SMARCA4: variants seen among roughly 807,000 people sequenced by gnomAD.
SMARCA4 encodes the protein SWI/SNF related BAF chromatin remodeling complex subunit ATPase 4, also known as SWI/SNF-related matrix-associated actin-dependent regulator of chromatin subfamily A member 4.
A neutral mutation model predicts 193.9 loss-of-function variants in SMARCA4; 31 were observed. That is an observed-to-expected ratio of 0.16 (90% CI 0.12 to 0.22). SMARCA4 has a LOEUF of 0.22. Among genes scored for constraint, SMARCA4 ranks in the 10% least tolerant of loss-of-function variants. SMARCA4 has a pLI of 1.00. For synonymous variants in SMARCA4, 942 were observed against 933.1 expected (o/e 1.01, Z -0.17); for missense variants, 1,148 against 2,296.0 (o/e 0.50, Z 10.22).
At chr19:11,050,015 T>C (rs1448686697) in intron 30 of SMARCA4, among the ~76,000 whole-genome samples, 1 of 152,098 alleles carries the variant, frequency 6.6e-6, no homozygotes, top group East Asian at 1.9e-4. Flanking sequence ...GGCAGGAGAA[T>C]CGCTTGAACC....
rs2074899395 is a variant in SMARCA4 at position 11,031,115 on chromosome 19, A to G, written c.3546+222A>G. ...AACAGCCTTTCCCTCTGATTGGGAA[A>G]GCAGTGTATAAGCCATCCGTCGGTT... On this transcript the variant is annotated intron_variant, in intron 25 of 34. Coordinates refer to ENST00000344626, the MANE Select transcript of SMARCA4 (RefSeq NM_003072.5). This position sits in a 1 kb window ranked among gnomAD's most constrained non-coding sequence, Gnocchi z 4.3. 2 of 595,932 alleles carry G rather than the reference A, an allele frequency of 3.4e-6. No homozygotes were observed. Among genetic ancestry groups the G allele is most frequent in the African/African-American group, 1.9e-5 (1 of 54,004 alleles). 36.9% of individuals were successfully genotyped at this position (595,932 alleles called of 1,614,324 possible). A position where few individuals can be genotyped will look rare whatever the true frequency, so the allele number is the denominator to read the frequency against.
At chr19:11,023,971 G>T (rs1018873504) in intron 20 of SMARCA4, among the ~76,000 whole-genome samples, 1 of 152,214 alleles carries the variant, frequency 6.6e-6, no homozygotes, top group Non-Finnish European at 1.5e-5. Context: ...GGTTTTCAAG[G>T]CCTGCTGCAG....
At chr19:11,059,942 G>A (rs2076763679) in intron 33 of SMARCA4, 57 bp downstream of exon 33, 1 of 1,613,434 alleles carries the variant, frequency 6.2e-7, no homozygotes, top group Non-Finnish European at 8.5e-7. Flanking sequence ...GAGCCCCCAA[G>A]GCCCCAGCTT....
intron 1 of SMARCA4, among the ~76,000 whole-genome samples, chr19:10,971,755 A>C (rs1445743139): frequency 2.0e-5 from 3 of 148,366 alleles, no homozygotes; most frequent in Non-Finnish European, 3.0e-5. Flanking sequence ...GGCGTGAGCC[A>C]CCATGCCCAC....
At chr19:10,963,818 T>A (rs1210355952) in intron 1 of SMARCA4, among the ~76,000 whole-genome samples, 1 of 148,186 alleles carries the variant, frequency 6.7e-6, no homozygotes, top group East Asian at 2.0e-4. Context: ...CGGGCTGGAG[T>A]GCAATGCCCC....
At chr19:10,995,540 G>A (rs1170519707) in intron 9 of SMARCA4, 2 of 455,696 alleles carry the variant, frequency 4.4e-6, no homozygotes, top group East Asian at 6.9e-5. Context: ...GGAGGGACAG[G>A]GTAGTAAGTA....
intron 29 of SMARCA4, among the ~76,000 whole-genome samples, chr19:11,036,051 C>G (rs568328860): frequency 6.6e-6 from 1 of 152,368 alleles, no homozygotes; most frequent in Admixed American, 6.5e-5. Context: ...CGGTTCCCTC[C>G]TGGGACCTCA....
chr19:11,008,227 C>T (rs2088432763), intron 14 of SMARCA4: 3 of 545,488 alleles, frequency 5.5e-6, no homozygotes, highest in Middle Eastern at 5.2e-4. Context: ...TCGCATGGTT[C>T]ACCATATGCT....
Position 10,986,650 on chromosome 19 carries a change from T to C in SMARCA4, c.760+57T>C, listed in dbSNP as rs2086071003. The stretch of plus-strand genomic sequence containing the variant: ...TCAGAGCGAATGGCTGGGGCGTGGG[T>C]GGCGGGGTGGACAGACCGTGCTCTG... On this transcript the variant is annotated intron_variant, in intron 4 of 34. Coordinates refer to ENST00000344626, the MANE Select transcript of SMARCA4 (RefSeq NM_003072.5). The surrounding 1 kb of genome is among the most constrained non-coding windows in gnomAD (Gnocchi z 6.7). 9.8e-6 allele frequency: 15 copies of C among 1,533,760 alleles called. No individual in the cohort carries two copies. In the South Asian group the frequency reaches 1.8e-4, roughly 18 times the overall value.
rs1449367448 is a variant in SMARCA4 at position 11,038,316 on chromosome 19, T to A, written c.4171-2991T>A. Among the ~76,000 whole-genome samples the A allele has an allele frequency of 3.3e-5, 5 of 152,176 alleles. No homozygotes were observed. The East Asian group carries it at 7.7e-4, about 23-fold the overall frequency. On this transcript the variant is annotated intron_variant, in intron 29 of 34. Coordinates refer to ENST00000344626, the MANE Select transcript of SMARCA4 (RefSeq NM_003072.5). ...TTCTGTGTCTTTTAAGAACAATTTT[T>A]AAAACTTAATCCCAAAAGTAAAGAC...
At chr19:11,000,695 A>G (rs1445331066) in intron 11 of SMARCA4, among the ~76,000 whole-genome samples, 1 of 151,978 alleles carries the variant, frequency 6.6e-6, no homozygotes, top group East Asian at 1.9e-4. Context: ...TCTGGCCAGT[A>G]TGGTGAAACC....
intron 29 of SMARCA4, 85 bp downstream of exon 29, chr19:11,035,217 G>A (rs2075197742): frequency 1.5e-6 from 2 of 1,301,518 alleles, no homozygotes; most frequent in Admixed American, 3.9e-5. Flanking sequence ...CAGGACTCAG[G>A]CCTGGGTCCA....
intron 15 of SMARCA4, 73 bp downstream of exon 15, chr19:11,010,604 C>G (rs2088736349): frequency 1.4e-6 from 2 of 1,469,524 alleles, no homozygotes; most frequent in African/African-American, 2.8e-5. Flanking sequence ...GTGCGGGCTT[C>G]AGACCTCAGG....
At chr19:11,037,009 C>T (rs556576143) in intron 29 of SMARCA4, among the ~76,000 whole-genome samples, 1 of 152,208 alleles carries the variant, frequency 6.6e-6, no homozygotes, top group Admixed American at 6.5e-5. Context: ...ACAGATTTGT[C>T]ACATTCGGTT....
chr19:11,010,551 G>A lies in SMARCA4; in HGVS notation c.2274+20G>A, dbSNP rs2088729046. On this transcript the variant is annotated intron_variant, in intron 15 of 34. Transcript: ENST00000344626. ...TACCAGGTGAGGTAGGGGGTGGGGAGGCCACCGCCACGTAGCTGCCTCGGT... is the reference window on the plus strand; with the variant it reads ...TACCAGGTGAGGTAGGGGGTGGGGAAGCCACCGCCACGTAGCTGCCTCGGT... 1 of 1,611,260 alleles carries A rather than the reference G, an allele frequency of 6.2e-7. No individual in the cohort carries two copies. Among genetic ancestry groups the A allele is most frequent in the Non-Finnish European group, 8.5e-7 (1 of 1,178,960 alleles).
intron 1 of SMARCA4, among the ~76,000 whole-genome samples, chr19:10,980,114 G>A (rs1430421645): frequency 2.0e-5 from 3 of 152,164 alleles, no homozygotes; most frequent in African/African-American, 7.2e-5. Context: ...TGCTGGGGAT[G>A]GCTTTGCATC....
chr19:11,019,519 G>T lies in SMARCA4; in HGVS notation c.2506-72G>T. The T allele has an allele frequency of 2.2e-6, 2 of 896,940 alleles. No individual in the cohort carries two copies. The highest frequency in any genetic ancestry group is 2.0e-5 in the Admixed American group (1 of 50,456). 55.6% of individuals were successfully genotyped at this position (896,940 alleles called of 1,614,324 possible). ...CCGTGTCACTGGGCAGTTGCAGGGG[G>T]TGCCTGTGCCCCTCTTGCCACCTGG... On this transcript the variant is annotated intron_variant, in intron 17 of 34. Transcript: ENST00000344626. The surrounding 1 kb of genome is among the most constrained non-coding windows in gnomAD (Gnocchi z 6.1).
rs1415574644 is a variant in SMARCA4, at chr19:11,034,594, G to T, written c.3952-320G>T. Among the ~76,000 whole-genome samples the T allele has an allele frequency of 6.6e-6, 1 of 152,160 alleles. No homozygotes were observed. The highest frequency in any genetic ancestry group is 3.2e-3 in the Middle Eastern group (1 of 316). ...CAGGAAATAAGCCACCCAAGCAGGG[G>T]CCCCTTGGCCCGCAGGCCTCATGCC... On this transcript the variant is annotated intron_variant, in intron 28 of 34. Transcript: ENST00000344626. The surrounding 1 kb of genome is among the most constrained non-coding windows in gnomAD (Gnocchi z 7.0).
chr19:10,986,054 C>A lies in SMARCA4; in HGVS notation c.356-135C>A. ...GCCTTCAGCATGTGCCCTCCAGGTG[C>A]CCCTGGTTGACTCAAGAGAAGGATG... On this transcript the variant is annotated intron_variant, in intron 3 of 34. Coordinates refer to ENST00000344626, the MANE Select transcript of SMARCA4 (RefSeq NM_003072.5). The surrounding 1 kb of genome is among the most constrained non-coding windows in gnomAD (Gnocchi z 6.7). 1.3e-6 allele frequency: 1 copy of A among 782,270 alleles called. No homozygotes were observed. Among genetic ancestry groups the A allele is most frequent in the Non-Finnish European group, 2.2e-6 (1 of 457,898 alleles). The allele number at this position is 782,270 out of a possible 1,614,324, so 48.5% of individuals were successfully genotyped here.
Sources: gnomAD v4.1 joint callset for allele counts (sites outside exome capture counted in the v4.1 genomes callset) on GRCh38, gnomAD v4.1.1 for gene constraint, Gnocchi (gnomAD v3.1) non-coding constraint, MANE v1.5 for transcripts, NCBI Gene and HGNC (gene_info 2026-07-23, HGNC 2026-07-21) for gene names.